The following UGGT2 variants were observed in gnomAD, a reference collection of about 807,000 sequenced individuals.
UGGT2 encodes UDP-glucose:glycoprotein glucosyltransferase 2.
UGGT2 carries 180 observed loss-of-function variants against 192.1 expected under a neutral mutation model. The ratio of observed to expected loss-of-function variants is 0.94; its 90% confidence interval spans 0.83 to 1.06. UGGT2 has a LOEUF of 1.06. Among genes scored for constraint, UGGT2 ranks in the 50% least tolerant of loss-of-function variants. The pLI, the probability that UGGT2 is intolerant of heterozygous loss-of-function variation, is 0.00. For missense variants in UGGT2, 1,849 were observed against 1,795.7 expected (o/e 1.03, Z -0.54); for synonymous variants, 580 against 591.0 (o/e 0.98, Z 0.27).
intron 22 of UGGT2, among the ~76,000 whole-genome samples, chr13:95,900,019 C>A (rs2048057481): frequency 6.6e-6 from 1 of 152,076 alleles, no homozygotes; most frequent in Non-Finnish European, 1.5e-5. Context: ...TTGTTGATTT[C>A]TTAATAAACC....
chr13:96,027,522 T>C (rs988332803), intron 2 of UGGT2, among the ~76,000 whole-genome samples: 2 of 152,212 alleles, frequency 1.3e-5, no homozygotes, highest in African/African-American at 4.8e-5. Context: ...ACTCAATTTT[T>C]GACTACTGGC....
Position 95,849,387 on chromosome 13 carries a change from C to CA in UGGT2, c.4284+4155dup, listed in dbSNP as rs201064195. Among the ~76,000 whole-genome samples, 1,435 of 151,788 alleles carry CA rather than the reference C, an allele frequency of 9.5e-3. 25 individuals are homozygous for CA. Among genetic ancestry groups the CA allele is most frequent in the African/African-American group, 0.033 (1,368 of 41,372 alleles). ...GAGTCTCTACTAAAATACAAAAATA[C>CA]AAAAAATTAGCTGGGCGTGGTGGCA... On this transcript the variant is annotated intron_variant, in intron 36 of 38. Coordinates refer to ENST00000376747, the MANE Select transcript of UGGT2 (RefSeq NM_020121.4).
chr13:95,976,563 T>C (rs1446855454), intron 10 of UGGT2, among the ~76,000 whole-genome samples: 1 of 152,172 alleles, frequency 6.6e-6, no homozygotes, highest in Non-Finnish European at 1.5e-5. Flanking sequence ...GGTTCCCCTT[T>C]CTCTGTATCC....
chr13:95,828,740 G>A (rs3101572), intron 38 of UGGT2, among the ~76,000 whole-genome samples: 148,512 of 152,286 alleles, frequency 0.98, 72,544 homozygotes, highest in East Asian at 1. Flanking sequence ...TACCAGAGGT[G>A]CAAAGAGAAG....
At chr13:95,977,642 C>A (rs372648915) in intron 10 of UGGT2, among the ~76,000 whole-genome samples, 11 of 152,116 alleles carry the variant, frequency 7.2e-5, no homozygotes, top group African/African-American at 2.7e-4. Flanking sequence ...GTCGATTCCT[C>A]AAGAATCTAG....
chr13:95,804,048 T>C (rs1884191495), intron 38 of UGGT2, among the ~76,000 whole-genome samples: 1 of 152,064 alleles, frequency 6.6e-6, no homozygotes, highest in African/African-American at 2.4e-5. Context: ...AAGAAAGATC[T>C]GTTAGAAATT....
intron 1 of UGGT2, among the ~76,000 whole-genome samples, chr13:96,036,936 G>GT (rs375692718): frequency 7.2e-5 from 11 of 152,152 alleles, no homozygotes; most frequent in African/African-American, 2.6e-4. Context: ...TTTGGACAAA[G>GT]TTTTTTTAAA....
intron 1 of UGGT2, among the ~76,000 whole-genome samples, chr13:96,046,889 A>G (rs2053328812): frequency 6.6e-6 from 1 of 152,140 alleles, no homozygotes; most frequent in Admixed American, 6.5e-5. Flanking sequence ...GCAGTCTGAG[A>G]TCCAACCGCA....
intron 36 of UGGT2, among the ~76,000 whole-genome samples, chr13:95,838,777 T>C (rs1301016602): frequency 6.6e-6 from 1 of 152,146 alleles, no homozygotes; most frequent in African/African-American, 2.4e-5. Flanking sequence ...TTAAATAACC[T>C]GGCCTACCAT....
intron 36 of UGGT2, among the ~76,000 whole-genome samples, chr13:95,843,367 G>A (rs1327743070): frequency 1.3e-5 from 2 of 152,096 alleles, no homozygotes; most frequent in East Asian, 1.9e-4. Context: ...AATCACTAAT[G>A]ATGTTTAGCA....
At position 96,053,176 on chromosome 13, in the gene UGGT2, G is replaced by A. The variant is rs1400251368; in HGVS notation, c.137C>T (p.Thr46Ile). 4 of 1,519,522 alleles carry A rather than the reference G, an allele frequency of 2.6e-6. No homozygotes were observed. Among genetic ancestry groups the A allele is most frequent in the Admixed American group, 4.0e-5 (2 of 49,918 alleles). The allele number at this position is 1,519,522 out of a possible 1,614,324, so 94.1% of individuals were successfully genotyped here. The change falls in exon 1 of 39, where the codon ACC (threonine) becomes ATC (isoleucine). Residue 46 changes from threonine to isoleucine, a missense_variant. Transcript: ENST00000376747. ...CCACCTTGCCTCCAGCAGCAGCGGG[G>A]TCTCGGGCCACTTCGCGGCCAAGTG... ...TAHLAAKWPE[T>I]PLLLEASEFM...
chr13:95,948,815 T>G (rs2049965359), intron 13 of UGGT2, among the ~76,000 whole-genome samples: 1 of 152,242 alleles, frequency 6.6e-6, no homozygotes, highest in African/African-American at 2.4e-5. Context: ...GGTTTGGCTG[T>G]GTGCCCACTC....
chr13:95,936,613 G>T (rs1023045808), intron 17 of UGGT2, among the ~76,000 whole-genome samples: 1 of 152,192 alleles, frequency 6.6e-6, no homozygotes, highest in African/African-American at 2.4e-5. Context: ...CATGGAGCTG[G>T]GAAACCTCCT....
chr13:95,889,763 G>A (rs1426169149), intron 25 of UGGT2, among the ~76,000 whole-genome samples: 2 of 152,192 alleles, frequency 1.3e-5, no homozygotes, highest in Non-Finnish European at 2.9e-5. Context: ...AGAATTTCCA[G>A]GTTAATGCAG....
intron 38 of UGGT2, among the ~76,000 whole-genome samples, chr13:95,805,122 C>T (rs1884240853): frequency 6.6e-6 from 1 of 151,856 alleles, no homozygotes; most frequent in African/African-American, 2.4e-5. Context: ...AAAAAATGGA[C>T]AAAGAACTTG....
chr13:95,974,345 G>A (rs2050870530), intron 10 of UGGT2, among the ~76,000 whole-genome samples: 1 of 152,076 alleles, frequency 6.6e-6, no homozygotes, highest in African/African-American at 2.4e-5. Flanking sequence ...CCCCAATCTG[G>A]CATCGAAACT....
At chr13:95,943,494 T>A (rs1396171086) in intron 15 of UGGT2, among the ~76,000 whole-genome samples, 1 of 151,986 alleles carries the variant, frequency 6.6e-6, no homozygotes, top group African/African-American at 2.4e-5. Context: ...CTCATGAGGA[T>A]AAGGATTGTT....
At chr13:95,907,639 C>A (rs1246525634) in intron 20 of UGGT2, among the ~76,000 whole-genome samples, 1 of 152,230 alleles carries the variant, frequency 6.6e-6, no homozygotes, top group Non-Finnish European at 1.5e-5. Context: ...GAAACTCCAA[C>A]AGACTTGCAG....
chr13:95,962,305 T>TA (rs768084037), intron 12 of UGGT2, among the ~76,000 whole-genome samples: 91 of 151,940 alleles, frequency 6.0e-4, no homozygotes, highest in Non-Finnish European at 1.0e-3. Context: ...TTTGAAAAGA[T>TA]AAACCACTTG....
Sources: allele counts gnomAD v4.1 joint callset (sites outside exome capture counted in the v4.1 genomes callset), GRCh38; gene constraint gnomAD v4.1.1; transcripts MANE v1.5; gene names NCBI Gene and HGNC (gene_info 2026-07-23, HGNC 2026-07-21).